The following DIP2C variants were observed in gnomAD, a reference collection of about 807,000 sequenced individuals.
DIP2C encodes the protein DIP2 acetate--CoA ligase C (putative).
Under a neutral mutation model 192.4 loss-of-function variants are expected in DIP2C, and 33 were observed. The observed-to-expected ratio is 0.17, with a 90% CI of 0.13 to 0.23. The LOEUF (loss-of-function observed/expected upper bound fraction) is 0.23, where lower values mean the gene tolerates loss of function less well. DIP2C is among the 10% of genes least tolerant of loss of function. The pLI, the probability that DIP2C is intolerant of heterozygous loss-of-function variation, is 1.00. For missense variants in DIP2C, 1,537 were observed against 2,110.1 expected (o/e 0.73, Z 5.32); for synonymous variants, 979 against 864.1 (o/e 1.13, Z -2.33).
In DIP2C at chr10:288,363, C is replaced by A. The variant is rs1207283842; in HGVS notation, c.4044+1G>T. ...TGCGTGCCTCTTCCTATAATACTTA[C>A]CTTTCCCGATTCCATCAGGGGCAGA... On this transcript the variant is annotated splice_donor_variant, in intron 33 of 36. Coordinates refer to ENST00000280886, the MANE Select transcript of DIP2C (RefSeq NM_014974.3). LOFTEE classifies it high-confidence loss of function. 4 of 1,613,840 alleles carry A rather than the reference C, an allele frequency of 2.5e-6. No individual in the cohort carries two copies. Among genetic ancestry groups the A allele is most frequent in the Non-Finnish European group, 3.4e-6 (4 of 1,179,904 alleles).
intron 1 of DIP2C, among the ~76,000 whole-genome samples, chr10:647,890 T>G (rs533685972): frequency 6.9e-6 from 1 of 145,654 alleles, no homozygotes; most frequent in East Asian, 2.1e-4. Flanking sequence ...CACGTCGACA[T>G]TGGATGGTGG....
At chr10:441,126 A>G in intron 3 of DIP2C, 130 bp from the exon 4 acceptor site, 1 of 1,064,530 alleles carries the variant, frequency 9.4e-7, no homozygotes, top group Middle Eastern at 2.9e-4. Flanking sequence ...GTGGGCGAGG[A>G]AAGAAAATCA....
intron 2 of DIP2C, among the ~76,000 whole-genome samples, chr10:476,047 A>G (rs1843006501): frequency 6.6e-6 from 1 of 152,230 alleles, no homozygotes; most frequent in African/African-American, 2.4e-5. Context: ...ATTGAAAACC[A>G]GCTCTCAGGA....
At chr10:563,095 T>C (rs1464581671) in intron 1 of DIP2C, among the ~76,000 whole-genome samples, 1 of 152,212 alleles carries the variant, frequency 6.6e-6, no homozygotes, top group Admixed American at 6.5e-5. Context: ...AATATCACAG[T>C]ATCTGGAGGC....
chr10:612,795 GAC>G (rs1853185447), intron 1 of DIP2C, among the ~76,000 whole-genome samples: 1 of 152,132 alleles, frequency 6.6e-6, no homozygotes, highest in South Asian at 2.1e-4. Flanking sequence ...CAAGAAATGA[GAC>G]AAATATTGAC....
At chr10:508,620 G>C (rs1427176152) in intron 1 of DIP2C, among the ~76,000 whole-genome samples, 1 of 152,142 alleles carries the variant, frequency 6.6e-6, no homozygotes, top group Non-Finnish European at 1.5e-5. Flanking sequence ...GGATGGATGG[G>C]TGAGTGGCTG....
At chr10:683,080 C>T (rs983153307) in intron 1 of DIP2C, among the ~76,000 whole-genome samples, 3 of 152,190 alleles carry the variant, frequency 2.0e-5, no homozygotes, top group Non-Finnish European at 2.9e-5. Context: ...TACCAACATA[C>T]CCCGCAGCCC....
intron 31 of DIP2C, among the ~76,000 whole-genome samples, chr10:323,711 T>C (rs1362294342): frequency 6.6e-6 from 1 of 152,254 alleles, no homozygotes; most frequent in African/African-American, 2.4e-5. Context: ...TTTCTGATTT[T>C]GTTTTCTAAA....
intron 4 of DIP2C, among the ~76,000 whole-genome samples, chr10:425,291 CGG>C (rs1440844938): frequency 9.5e-5 from 7 of 73,326 alleles, no homozygotes; most frequent in African/African-American, 1.6e-4. Flanking sequence ...TAATATGACA[CGG>C]ATGATACAGC....
At chr10:615,011 G>C (rs551272199) in intron 1 of DIP2C, among the ~76,000 whole-genome samples, 116 of 152,354 alleles carry the variant, frequency 7.6e-4, no homozygotes, top group Non-Finnish European at 1.6e-3. Flanking sequence ...CACAGCCGAA[G>C]CGCTGGTCCC....
intron 1 of DIP2C, among the ~76,000 whole-genome samples, chr10:563,144 C>T (rs1347599012): frequency 6.6e-6 from 1 of 152,178 alleles, no homozygotes; most frequent in Non-Finnish European, 1.5e-5. Context: ...AAATCAGACA[C>T]CATCCCCCTC....
At chr10:603,231 G>A (rs945018335) in intron 1 of DIP2C, among the ~76,000 whole-genome samples, 17 of 149,444 alleles carry the variant, frequency 1.1e-4, no homozygotes, top group East Asian at 9.8e-4. Context: ...ACAGGGGGGC[G>A]GGGGTTGCAG....
chr10:665,292 C>T (rs1166098690), intron 1 of DIP2C: 1 of 152,040 alleles, frequency 6.6e-6, no homozygotes, highest in East Asian at 1.9e-4. Context: ...TAACCTCACT[C>T]TACAGCTAAA....
At chr10:467,493 G>C (rs892531892) in intron 3 of DIP2C, among the ~76,000 whole-genome samples, 2 of 139,748 alleles carry the variant, frequency 1.4e-5, no homozygotes, top group Admixed American at 7.8e-5. Context: ...TAACTAACCT[G>C]CACAATGTGC....
intron 31 of DIP2C, among the ~76,000 whole-genome samples, chr10:311,887 T>C (rs534210741): frequency 2.4e-4 from 36 of 152,216 alleles, no homozygotes; most frequent in African/African-American, 8.7e-4. Context: ...AGGTAAATGG[T>C]GGCACTGCAC....
At chr10:538,905 G>C (rs75680447) in intron 1 of DIP2C, among the ~76,000 whole-genome samples, 8,010 of 152,240 alleles carry the variant, frequency 0.053, 293 homozygotes, top group East Asian at 0.17. Flanking sequence ...AACTTTTTCT[G>C]TGTTCATGAA....
At chr10:360,514 T>C (rs1959339483) in intron 22 of DIP2C, among the ~76,000 whole-genome samples, 1 of 152,180 alleles carries the variant, frequency 6.6e-6, no homozygotes, top group South Asian at 2.1e-4. Flanking sequence ...CTTGGCGAAT[T>C]CGCTCAGGGC....
intron 10 of DIP2C, among the ~76,000 whole-genome samples, chr10:395,351 T>C (rs1963903393): frequency 6.6e-6 from 1 of 152,160 alleles, no homozygotes; most frequent in African/African-American, 2.4e-5. Flanking sequence ...GTTAATCAGT[T>C]TGATAAACAT....
chr10:584,277 G>C (rs561938384), intron 1 of DIP2C, among the ~76,000 whole-genome samples: 1 of 152,304 alleles, frequency 6.6e-6, no homozygotes, highest in South Asian at 2.1e-4. Flanking sequence ...ACAACCACCA[G>C]CCATCATGTC....
Sources: gnomAD v4.1 joint callset for allele counts (sites outside exome capture counted in the v4.1 genomes callset) on GRCh38, gnomAD v4.1.1 for gene constraint, MANE v1.5 for transcripts, NCBI Gene and HGNC (gene_info 2026-07-23, HGNC 2026-07-21) for gene names.